Variants in MRPS23 observed in about 807,000 individuals in gnomAD.
MRPS23 encodes the protein mitochondrial ribosomal protein S23, also known as small ribosomal subunit protein mS23.
MRPS23 carries 14 observed loss-of-function variants against 19.8 expected under a neutral mutation model. The observed-to-expected ratio is 0.71, with a 90% CI of 0.47 to 1.11. The LOEUF is 1.11. MRPS23 is among the 50% of genes least tolerant of loss of function. The pLI is 0.00. For missense variants in MRPS23, 242 were observed against 236.7 expected (o/e 1.02, Z -0.15); for synonymous variants, 113 against 89.7 (o/e 1.26, Z -1.47).
At chr17:57,846,665 T>C (rs990057492) in intron 2 of MRPS23, among the ~76,000 whole-genome samples, 2 of 152,138 alleles carry the variant, frequency 1.3e-5, no homozygotes, top group African/African-American at 4.8e-5. Context: ...CAGGGTTAAA[T>C]GGATTAAGGG....
At position 57,849,955 on chromosome 17, in the gene MRPS23, G is replaced by A; in HGVS notation, c.44+12C>T. The A allele has an allele frequency of 6.3e-7, 1 of 1,585,358 alleles. No individual in the cohort carries two copies. Among genetic ancestry groups the A allele is most frequent in the South Asian group, 1.1e-5 (1 of 88,232 alleles). On this transcript the variant is annotated intron_variant, in intron 1 of 4. Coordinates refer to ENST00000313608, the MANE Select transcript of MRPS23 (RefSeq NM_016070.4). ...GAGGCACCCTCAGCCCACCACGGCT[G>A]GGAGCACACACCGAGAGAAGATGCT...
At chr17:57,842,633 G>A (rs978483809) in intron 2 of MRPS23, among the ~76,000 whole-genome samples, 6 of 152,092 alleles carry the variant, frequency 3.9e-5, no homozygotes, top group Non-Finnish European at 7.3e-5. Flanking sequence ...TTGTAATTAA[G>A]CCTTCCAAAT....
intron 2 of MRPS23, among the ~76,000 whole-genome samples, chr17:57,843,485 T>C (rs909029674): frequency 1.3e-5 from 2 of 152,236 alleles, no homozygotes; most frequent in Non-Finnish European, 2.9e-5. Context: ...GTGGTTGCTA[T>C]GGACTAAACG....
At chr17:57,840,356 C>T (rs1184196728) in intron 4 of MRPS23, among the ~76,000 whole-genome samples, 1 of 151,134 alleles carries the variant, frequency 6.6e-6, no homozygotes, top group East Asian at 1.9e-4. Flanking sequence ...CACTGCACTC[C>T]AGCCTGGGTG....
rs1568014845 is a variant in MRPS23, at chr17:57,839,918, GTGACTA to G, written c.432_437del (p.Ser145_His146del). The G allele has an allele frequency of 6.2e-7, 1 of 1,614,194 alleles. No homozygotes were observed. Among genetic ancestry groups the G allele is most frequent in the South Asian group, 1.1e-5 (1 of 91,086 alleles). ...TCAAGTGTTCGGATTTCCGGGAAACGTGACTACCTCCGTGTTGCTTAAAAGACCAGA... is the reference window on the plus strand; with the variant it reads ...TCAAGTGTTCGGATTTCCGGGAAACGCCTCCGTGTTGCTTAAAAGACCAGA... On this transcript the variant is annotated inframe_deletion, in exon 5 of 5. Coordinates refer to ENST00000313608, the MANE Select transcript of MRPS23 (RefSeq NM_016070.4).
chr17:57,835,272 A>C lies in MRPS23; in HGVS notation c.*4511T>G, dbSNP rs997900375. ...TCACCTTCAACTTAGTAGGTTGAGA[A>C]TTGAAGCTCTCTCCCAGGAGAGCAC... On this transcript the variant is annotated 3_prime_UTR_variant, in exon 5 of 5. Transcript: ENST00000313608. 2 of 152,180 alleles carry C rather than the reference A, an allele frequency of 1.3e-5. No individual in the cohort carries two copies. Among genetic ancestry groups the C allele is most frequent in the Admixed American group, 1.3e-4 (2 of 15,260 alleles). 9.4% of individuals were successfully genotyped at this position (152,180 alleles called of 1,614,324 possible).
intron 2 of MRPS23, 87 bp from the exon 3 acceptor site, chr17:57,841,347 G>A (rs938776324): frequency 7.1e-7 from 1 of 1,401,618 alleles, no homozygotes; most frequent in Non-Finnish European, 9.9e-7. Flanking sequence ...TAAGTGCTAG[G>A]CACTGAGGAG....
At chr17:57,842,884 A>T (rs1283903822) in intron 2 of MRPS23, among the ~76,000 whole-genome samples, 23 of 69,494 alleles carry the variant, frequency 3.3e-4, no homozygotes, top group African/African-American at 1.1e-3. Context: ...AAAAAAATAT[A>T]TATATATACA....
intron 2 of MRPS23, among the ~76,000 whole-genome samples, chr17:57,841,583 C>T (rs1408219979): frequency 6.6e-6 from 1 of 152,240 alleles, no homozygotes; most frequent in Non-Finnish European, 1.5e-5. Flanking sequence ...AATATACTAG[C>T]ATATATGCAC....
rs371617294 is a variant in MRPS23, at chr17:57,849,288, G to C, written c.167C>G (p.Ala56Gly). The change falls in exon 2 of 5, where the codon GCC (alanine) becomes GGC (glycine). Residue 56 changes from alanine to glycine, a missense_variant. Ala to Gly is a moderately conservative substitution (Grantham distance 60). Transcript: ENST00000313608. ...CCAGATGTCTTGGATGGGAGCTTTG[G>C]CTTTGCCATATCGCACTCGAGGCCT... is the stretch of plus-strand genomic sequence containing the variant. ...FQRPRVRYGK[A>G]KAPIQDIWYH... 1.2e-6 allele frequency: 2 copies of C among 1,614,216 alleles called. No individual in the cohort carries two copies. The highest frequency in any genetic ancestry group is 1.7e-6 in the Non-Finnish European group (2 of 1,180,040).
intron 2 of MRPS23, among the ~76,000 whole-genome samples, chr17:57,845,862 C>T (rs189504306): frequency 1.3e-5 from 2 of 152,308 alleles, no homozygotes; most frequent in East Asian, 3.9e-4. Flanking sequence ...ATATGCCACA[C>T]AATGGGCTAG....
Position 57,849,414 on chromosome 17 carries a change from A to C in MRPS23, c.45-4T>G, listed in dbSNP as rs2073797714. 6.2e-7 allele frequency: 1 copy of C among 1,613,408 alleles called. No individual in the cohort carries two copies. The highest frequency in any genetic ancestry group is 8.5e-7 in the Non-Finnish European group (1 of 1,179,866). ...GGCCCGAACCAGGTCCCGAGTCCTT[A>C]GGGAGGGAACAGAACGAAACTGGGT... On this transcript the variant is annotated splice_region_variant and splice_polypyrimidine_tract_variant and intron_variant, in intron 1 of 4. Coordinates refer to ENST00000313608, the MANE Select transcript of MRPS23 (RefSeq NM_016070.4).
At chr17:57,849,560 G>C (rs2144881367) in intron 1 of MRPS23, 150 bp from the exon 2 acceptor site, 3 of 955,878 alleles carry the variant, frequency 3.1e-6, no homozygotes, top group Non-Finnish European at 4.5e-6. Flanking sequence ...GAGAAGATCT[G>C]TCCACATCCC....
chr17:57,839,961 C>T (rs779186471), intron 4 of MRPS23, 26 bp from the exon 5 acceptor site: 2 of 1,611,002 alleles, frequency 1.2e-6, no homozygotes, highest in Non-Finnish European at 8.5e-7. Context: ...TTAAGTATCA[C>T]AGAGATGTTA....
intron 2 of MRPS23, 45 bp from the exon 3 acceptor site, chr17:57,841,305 G>A (rs2073738642): frequency 6.4e-7 from 1 of 1,564,848 alleles, no homozygotes; most frequent in African/African-American, 1.4e-5. Flanking sequence ...ATTATAGACT[G>A]TGGATGAGAA....
At chr17:57,846,074 G>A (rs1252536769) in intron 2 of MRPS23, among the ~76,000 whole-genome samples, 2 of 115,344 alleles carry the variant, frequency 1.7e-5, no homozygotes, top group Non-Finnish European at 1.8e-5. Flanking sequence ...AAAGAAGTGT[G>A]ACATCTTTGT....
In MRPS23 at chr17:57,837,097, A is replaced by T. The variant is rs2073710510; in HGVS notation, c.*2686T>A. On this transcript the variant is annotated 3_prime_UTR_variant, in exon 5 of 5. Transcript: ENST00000313608. ...GGAAATAGTTCTGAGTTTCCAAAGT[A>T]AGCTTCATATCTTTCACTATGTTTT... 1 of 152,244 alleles carries T rather than the reference A, an allele frequency of 6.6e-6. No homozygotes were observed. Among genetic ancestry groups the T allele is most frequent in the African/African-American group, 2.4e-5 (1 of 41,466 alleles). The allele number at this position is 152,244 out of a possible 1,614,324, so 9.4% of individuals were successfully genotyped here.
intron 1 of MRPS23, 33 bp from the exon 2 acceptor site, chr17:57,849,443 T>C (rs2073797983): frequency 6.2e-7 from 1 of 1,606,522 alleles, no homozygotes; most frequent in Non-Finnish European, 8.5e-7. Context: ...ACTGGGTCAC[T>C]TGCAGTAGCC....
rs1240091686 is a variant in MRPS23 at position 57,835,030 on chromosome 17, G to C, written c.*4753C>G. 6.6e-6 allele frequency: 1 copy of C among 152,208 alleles called. No homozygotes were observed. Among genetic ancestry groups the C allele is most frequent in the African/African-American group, 2.4e-5 (1 of 41,428 alleles). The allele number at this position is 152,208 out of a possible 1,614,324, so 9.4% of individuals were successfully genotyped here. A position where few individuals can be genotyped will look rare whatever the true frequency, so the allele number is the denominator to read the frequency against. ...GGTGAATCCAGGACCACTTAAACAA[G>C]TCAGACATATAGATGATGGAAGACA... On this transcript the variant is annotated 3_prime_UTR_variant, in exon 5 of 5. Transcript: ENST00000313608.
Sources: gnomAD v4.1 joint callset for allele counts (sites outside exome capture counted in the v4.1 genomes callset) on GRCh38, gnomAD v4.1.1 for gene constraint, MANE v1.5 for transcripts, NCBI Gene and HGNC (gene_info 2026-07-23, HGNC 2026-07-21) for gene names.